Variants in SAR1B observed in about 807,000 individuals in gnomAD.
SAR1B encodes the protein secretion associated Ras related GTPase 1B.
Under a neutral mutation model 26.8 loss-of-function variants are expected in SAR1B, and 23 were observed. The observed-to-expected ratio is 0.86, with a 90% CI of 0.62 to 1.22. The LOEUF is 1.22. SAR1B is among the 50% of genes most tolerant of loss of function. The pLI is 0.00. For missense variants in SAR1B, 196 were observed against 232.8 expected, an observed-to-expected ratio of 0.84 and a Z score of 1.03; for synonymous variants, 65 against 80.8, an observed-to-expected ratio of 0.80 and a Z score of 1.05.
At chr5:134,617,807 G>A (rs1024352158) in intron 3 of SAR1B, among the ~76,000 whole-genome samples, 1 of 152,020 alleles carries the variant, frequency 6.6e-6, no homozygotes, top group Non-Finnish European at 1.5e-5. Context: ...TCTGCCTCCC[G>A]AGTAGGTGGA....
intron 1 of SAR1B, among the ~76,000 whole-genome samples, chr5:134,627,319 G>A (rs1302923039): frequency 6.6e-6 from 1 of 151,082 alleles, no homozygotes; most frequent in Non-Finnish European, 1.5e-5. Flanking sequence ...CCAAAGTGTT[G>A]GGATTACAGG....
intron 1 of SAR1B, among the ~76,000 whole-genome samples, chr5:134,624,390 G>A (rs1765462269): frequency 6.6e-6 from 1 of 152,002 alleles, no homozygotes; most frequent in South Asian, 2.1e-4. Flanking sequence ...GCATGGTGGT[G>A]CACACCTGCA....
At chr5:134,626,614 T>C (rs1053709808) in intron 1 of SAR1B, among the ~76,000 whole-genome samples, 1 of 152,198 alleles carries the variant, frequency 6.6e-6, no homozygotes, top group African/African-American at 2.4e-5. Flanking sequence ...ATTAGAAAAG[T>C]GATCTACTCA....
chr5:134,612,964 T>C (rs1332913998), intron 3 of SAR1B: 1 of 558,964 alleles, frequency 1.8e-6, no homozygotes, highest in South Asian at 2.5e-5. Context: ...ATGTACTTTA[T>C]GTTCTTAGCT....
rs574130196 is a variant in SAR1B, at chr5:134,611,782, G to A, written c.244+909C>T. Among the ~76,000 whole-genome samples the A allele has an allele frequency of 7.9e-5, 12 of 152,202 alleles. No homozygotes were observed. In the East Asian group the frequency reaches 2.1e-3, roughly 27 times the overall value. ...AAGGGGTTACTCATGTGCGGATGGG[G>A]ATGGCATGAACAAAAGCACAGAGGA... is the stretch of plus-strand genomic sequence containing the variant. On this transcript the variant is annotated intron_variant, in intron 4 of 6. Coordinates refer to ENST00000402673, the MANE Select transcript of SAR1B (RefSeq NM_016103.4).
At chr5:134,609,743 T>A in intron 4 of SAR1B, 69 bp from the exon 5 acceptor site, 1 of 1,159,046 alleles carries the variant, frequency 8.6e-7, no homozygotes, top group Non-Finnish European at 1.3e-6. Context: ...AAGCAAAGAG[T>A]CCAACCAGAT....
intron 3 of SAR1B, chr5:134,618,405 A>G (rs1301949202): frequency 6.6e-6 from 1 of 152,176 alleles, no homozygotes; most frequent in Non-Finnish European, 1.5e-5. Flanking sequence ...GTTTTGTTCT[A>G]TCCTCATTCT....
In SAR1B at chr5:134,612,731, G is replaced by A. The variant is rs143243934; in HGVS notation, c.204C>T (p.Gly68=). Residue 68 remains glycine (G), a synonymous_variant, in exon 4 of 7, where the codon GGC becomes GGT. Transcript: ENST00000402673. The part of the protein sequence containing the change: ...HPTSEELTIA[G]MTFTTFDLGG... ...CCAGATCAAAAGTTGTAAACGTCAT[G>A]CCAGCAATGGTCAGTTCTTCGGAAG... 3.9e-5 allele frequency: 59 copies of A among 1,530,552 alleles called. No homozygotes were observed. The East Asian group carries it at 1.3e-3, about 34-fold the overall frequency. 94.8% of individuals were successfully genotyped at this position (1,530,552 alleles called of 1,614,324 possible).
At chr5:134,632,673 G>A (rs911308372) in intron 1 of SAR1B, 55 bp downstream of exon 1, 6 of 152,320 alleles carry the variant, frequency 3.9e-5, no homozygotes, top group African/African-American at 1.4e-4. Context: ...GCGCCTTCTA[G>A]GGGATCCATA....
chr5:134,620,793 G>A (rs547426258), intron 3 of SAR1B, 140 bp downstream of exon 3: 4 of 944,970 alleles, frequency 4.2e-6, no homozygotes, highest in South Asian at 1.4e-5. Flanking sequence ...GACAGAGGTT[G>A]CAGTGAACTG....
At chr5:134,625,223 A>G (rs751699207) in intron 1 of SAR1B, among the ~76,000 whole-genome samples, 1 of 152,206 alleles carries the variant, frequency 6.6e-6, no homozygotes, top group Non-Finnish European at 1.5e-5. Context: ...TCAAGTTAAA[A>G]GACTGCCAAA....
intron 3 of SAR1B, among the ~76,000 whole-genome samples, chr5:134,616,039 C>G (rs1200181676): frequency 2.0e-5 from 3 of 147,142 alleles, no homozygotes; most frequent in Non-Finnish European, 3.0e-5. Context: ...ACTAGGGAAG[C>G]TGAGACAGGA....
intron 1 of SAR1B, 111 bp from the exon 2 acceptor site, chr5:134,624,148 A>G (rs1374336297): frequency 1.7e-5 from 12 of 716,908 alleles, no homozygotes; most frequent in Non-Finnish European, 3.1e-5. Context: ...CAACTTTACT[A>G]CAAAGAGTTA....
Position 134,612,684 on chromosome 5 carries a change from A to AAAAAAATT in SAR1B, c.244+6_244+7insAATTTTTT. 2.9e-6 allele frequency: 3 copies of AAAAAAATT among 1,017,752 alleles called. No individual in the cohort carries two copies. Among genetic ancestry groups the AAAAAAATT allele is most frequent in the South Asian group, 3.3e-5 (2 of 60,142 alleles). The allele number at this position is 1,017,752 out of a possible 1,614,324, so 63.0% of individuals were successfully genotyped here. A position where few individuals can be genotyped will look rare whatever the true frequency, so the allele number is the denominator to read the frequency against. On this transcript the variant is annotated splice_region_variant and intron_variant, in intron 4 of 6. Transcript: ENST00000402673. Reference sequence around the variant, plus strand: ...AAAAAAAAAAAAAAAAAAAAAAAGAATCTTACCTTGAACATGTCCACCCAG... The same window carrying AAAAAAATT: ...AAAAAAAAAAAAAAAAAAAAAAAGAAAAAAAATTTCTTACCTTGAACATGTCCACCCAG...
In SAR1B at chr5:134,608,391, T is replaced by C. The variant is rs779212861; in HGVS notation, c.461A>G (p.Tyr154Cys). The C allele has an allele frequency of 5.0e-6, 8 of 1,588,912 alleles. No homozygotes were observed. Among genetic ancestry groups the C allele is most frequent in the South Asian group, 4.5e-5 (4 of 88,734 alleles). The change falls in exon 6 of 7, where the codon TAT (tyrosine) becomes TGT (cysteine). Residue 154 changes from tyrosine (Y) to cysteine (C), a missense_variant. Coordinates refer to ENST00000402673, the MANE Select transcript of SAR1B (RefSeq NM_016103.4). ...EERLREMFGL[Y>C]GQTTGKGSIS... is the part of the protein sequence containing the mutation. Reference sequence around the variant, plus strand: ...TTTTACCTTTCCTGTTGTCTGACCATATAAACCAAACATCTCTCGCAACCT... The same window carrying C: ...TTTTACCTTTCCTGTTGTCTGACCACATAAACCAAACATCTCTCGCAACCT...
At chr5:134,608,591 A>G (rs746433554) in intron 5 of SAR1B, 88 bp from the exon 6 acceptor site, 1 of 1,365,636 alleles carries the variant, frequency 7.3e-7, no homozygotes, top group Non-Finnish European at 1.0e-6. Flanking sequence ...TAAAGGACTC[A>G]TTTTCTACCA....
rs1419058375 is a variant in SAR1B at position 134,627,628 on chromosome 5, C to T, written c.-18-3591G>A. ...CCTGACTAACACGGTGAAACCCCGT[C>T]TCTACCAAAAATACAGAAAAATTAG... is the stretch of plus-strand genomic sequence containing the variant. On this transcript the variant is annotated intron_variant, in intron 1 of 6. Coordinates refer to ENST00000402673, the MANE Select transcript of SAR1B (RefSeq NM_016103.4). Among the ~76,000 whole-genome samples the T allele has an allele frequency of 1.2e-4, 18 of 149,518 alleles. 1 individual carries two copies. Among genetic ancestry groups the T allele is most frequent in the African/African-American group, 4.4e-4 (18 of 40,706 alleles).
intron 4 of SAR1B, 59 bp from the exon 5 acceptor site, chr5:134,609,733 A>G: frequency 7.6e-7 from 1 of 1,310,162 alleles, no homozygotes; most frequent in Non-Finnish European, 1.1e-6. Flanking sequence ...CAGATGGTTT[A>G]AGCAAAGAGT....
rs555783503 is a variant in SAR1B, at chr5:134,609,049, A to G, written c.348+522T>C. The G allele has an allele frequency of 7.2e-5, 33 of 455,954 alleles. 1 individual carries two copies. In the East Asian group the frequency reaches 2.2e-3, roughly 31 times the overall value. The allele number at this position is 455,954 out of a possible 1,614,324, so 28.2% of individuals were successfully genotyped here. A position where few individuals can be genotyped will look rare whatever the true frequency, so the allele number is the denominator to read the frequency against. On this transcript the variant is annotated intron_variant, in intron 5 of 6. Coordinates refer to ENST00000402673, the MANE Select transcript of SAR1B (RefSeq NM_016103.4). ...GCCATGGTATGATCAACCTTCAATCAAATCATGGACCTGCTTACTCTGTGG... is the reference window on the plus strand; with the variant it reads ...GCCATGGTATGATCAACCTTCAATCGAATCATGGACCTGCTTACTCTGTGG...
Sources: gnomAD v4.1 joint callset for allele counts (sites outside exome capture counted in the v4.1 genomes callset) on GRCh38, gnomAD v4.1.1 for gene constraint, MANE v1.5 for transcripts, NCBI Gene and HGNC (gene_info 2026-07-23, HGNC 2026-07-21) for gene names.